DCLK1: variants seen among roughly 807,000 people sequenced by gnomAD.
DCLK1 encodes the protein serine/threonine-protein kinase DCLK1.
A neutral mutation model predicts 86.2 loss-of-function variants in DCLK1; 16 were observed. The ratio of observed to expected loss-of-function variants is 0.19; its 90% CI spans 0.13 to 0.28. The LOEUF is 0.28. Among genes scored for constraint, DCLK1 ranks in the 10% least tolerant of loss-of-function variants. The pLI is 1.00. For synonymous variants in DCLK1, 369 were observed against 370.5 expected (o/e 1.00, Z 0.05); for missense variants, 590 against 940.2 (o/e 0.63, Z 4.87).
chr13:35,804,648 G>T (rs2086990305), intron 15 of DCLK1, among the ~76,000 whole-genome samples: 1 of 152,020 alleles, frequency 6.6e-6, no homozygotes. Flanking sequence ...GACCAGGCTG[G>T]TCTCAAACTC....
In DCLK1 at chr13:35,769,318, CAG is replaced by C. The variant is rs964110592; in HGVS notation, c.*5215_*5216del. On this transcript the variant is annotated 3_prime_UTR_variant, in exon 17 of 17. Coordinates refer to ENST00000360631, the MANE Select transcript of DCLK1 (RefSeq NM_001330071.2). ...TTTCTTGAGTCAAATTGAAACCTTT[CAG>C]AAACTTGTTTAAATGCGCCAAGTCC... 4.7e-4 allele frequency: 72 copies of C among 152,300 alleles called. No homozygotes were observed. The highest frequency in any genetic ancestry group is 1.6e-3 in the African/African-American group (65 of 41,564). 9.4% of individuals were successfully genotyped at this position (152,300 alleles called of 1,614,324 possible).
At chr13:36,118,052 A>C (rs1885852793) in intron 2 of DCLK1, among the ~76,000 whole-genome samples, 1 of 150,908 alleles carries the variant, frequency 6.6e-6, no homozygotes, top group Non-Finnish European at 1.5e-5. Context: ...CAGTACAGAA[A>C]GGGATATTCT....
At chr13:35,911,338 C>T (rs1331332774) in intron 4 of DCLK1, among the ~76,000 whole-genome samples, 1 of 151,818 alleles carries the variant, frequency 6.6e-6, no homozygotes, top group African/African-American at 2.4e-5. Context: ...CAACAACGAC[C>T]TTTTCAGAGA....
chr13:35,782,160 C>T (rs1453987968), intron 16 of DCLK1, among the ~76,000 whole-genome samples: 1 of 152,156 alleles, frequency 6.6e-6, no homozygotes, highest in Non-Finnish European at 1.5e-5. Flanking sequence ...TGACCTTATG[C>T]TTCTGCACTA....
At chr13:36,022,906 G>A (rs1271838487) in intron 3 of DCLK1, among the ~76,000 whole-genome samples, 2 of 152,148 alleles carry the variant, frequency 1.3e-5, no homozygotes, top group Non-Finnish European at 2.9e-5. Flanking sequence ...TTTGAGGCTA[G>A]TATTATCCTG....
At chr13:36,031,989 G>C (rs2153153374) in intron 3 of DCLK1, among the ~76,000 whole-genome samples, 1 of 152,362 alleles carries the variant, frequency 6.6e-6, no homozygotes, top group South Asian at 2.1e-4. Context: ...GGACAGGTCT[G>C]TGGGGCAGGC....
chr13:35,832,091 G>A (rs1021204578), intron 8 of DCLK1, among the ~76,000 whole-genome samples: 1 of 152,134 alleles, frequency 6.6e-6, no homozygotes, highest in Admixed American at 6.5e-5. Flanking sequence ...TCAAGAGTTT[G>A]AGACCAGCCT....
At position 35,947,440 on chromosome 13, in the gene DCLK1, G is replaced by T; in HGVS notation, c.741C>A (p.Asp247Glu). The change falls in exon 4 of 17, where the codon GAC becomes GAA. Residue 247 changes from aspartate (D) to glutamate (E), a missense_variant. Transcript: ENST00000360631. Reference protein sequence around the residue: ...LDGKQVMCLQDFFGDDDIFIA... With the variant: ...LDGKQVMCLQEFFGDDDIFIA... ...TAAAAATGTCATCATCACCAAAAAA[G>T]TCCTGAAGGCACATCACCTACAAGA... 6.2e-7 allele frequency: 1 copy of T among 1,613,578 alleles called. No homozygotes were observed. Among genetic ancestry groups the T allele is most frequent in the East Asian group, 2.2e-5 (1 of 44,850 alleles).
At chr13:35,877,220 TAG>T (rs957875687) in intron 4 of DCLK1, among the ~76,000 whole-genome samples, 4 of 152,190 alleles carry the variant, frequency 2.6e-5, no homozygotes, top group African/African-American at 4.8e-5. Flanking sequence ...TGGACAGATT[TAG>T]AGAGACAGCC....
intron 4 of DCLK1, among the ~76,000 whole-genome samples, chr13:35,882,825 G>A (rs71438073): frequency 6.6e-6 from 1 of 152,196 alleles, no homozygotes; most frequent in Non-Finnish European, 1.5e-5. Context: ...TAGTGTATCA[G>A]TTGACAGGGT....
chr13:36,105,997 C>G (rs1390620617), intron 3 of DCLK1, among the ~76,000 whole-genome samples: 1 of 152,116 alleles, frequency 6.6e-6, no homozygotes, highest in Non-Finnish European at 1.5e-5. Context: ...TAAACGTCCC[C>G]CAAATGCTCT....
intron 3 of DCLK1, among the ~76,000 whole-genome samples, chr13:36,024,816 A>G (rs1303769551): frequency 6.6e-6 from 1 of 152,204 alleles, no homozygotes; most frequent in Non-Finnish European, 1.5e-5. Context: ...GTGGAGACAC[A>G]CTTCCCAATT....
chr13:35,863,348 A>G (rs1871538043), intron 5 of DCLK1, among the ~76,000 whole-genome samples: 1 of 152,230 alleles, frequency 6.6e-6, no homozygotes, highest in Non-Finnish European at 1.5e-5. Context: ...TGTCTGGAAC[A>G]CAGTAGATAC....
intron 3 of DCLK1, among the ~76,000 whole-genome samples, chr13:35,959,728 G>C (rs1453508897): frequency 1.3e-5 from 2 of 152,128 alleles, no homozygotes; most frequent in Non-Finnish European, 2.9e-5. Flanking sequence ...CTGTTTCTAT[G>C]ATCTCAGGGG....
chr13:36,063,577 A>G (rs1188740487), intron 3 of DCLK1, among the ~76,000 whole-genome samples: 1 of 152,248 alleles, frequency 6.6e-6, no homozygotes, highest in African/African-American at 2.4e-5. Context: ...AGAAGTATAC[A>G]GGTATGCCCA....
chr13:36,007,561 G>C (rs2153147096), intron 3 of DCLK1, among the ~76,000 whole-genome samples: 1 of 152,244 alleles, frequency 6.6e-6, no homozygotes, highest in African/African-American at 2.4e-5. Flanking sequence ...TTAAAGAAGA[G>C]CAACAAACAG....
chr13:35,946,453 G>A (rs1426473222), intron 4 of DCLK1, among the ~76,000 whole-genome samples: 1 of 152,002 alleles, frequency 6.6e-6, no homozygotes, highest in Non-Finnish European at 1.5e-5. Flanking sequence ...TGAAAGTCAA[G>A]TCAAGTCAAG....
intron 4 of DCLK1, among the ~76,000 whole-genome samples, chr13:35,902,065 A>C (rs1006353183): frequency 6.6e-6 from 1 of 152,190 alleles, no homozygotes; most frequent in African/African-American, 2.4e-5. Flanking sequence ...TCAACAACAA[A>C]TCTAGATTTG....
intron 6 of DCLK1, chr13:35,849,976 A>G (rs907003809): frequency 1.0e-6 from 1 of 962,670 alleles, no homozygotes; most frequent in African/African-American, 1.8e-5. Flanking sequence ...AGTTCTTCAT[A>G]TTGGCATATA....
Sources: allele counts gnomAD v4.1 joint callset (sites outside exome capture counted in the v4.1 genomes callset), GRCh38; gene constraint gnomAD v4.1.1; transcripts MANE v1.5; gene names NCBI Gene and HGNC (gene_info 2026-07-23, HGNC 2026-07-21).